Variants in EXOC6B observed in about 807,000 individuals in gnomAD.
EXOC6B encodes SEC15 homolog B.
A neutral mutation model predicts 113.5 loss-of-function variants in EXOC6B; 54 were observed. The ratio of observed to expected loss-of-function variants is 0.48; its 90% confidence interval spans 0.38 to 0.60. EXOC6B has a LOEUF of 0.60. Among genes scored for constraint, EXOC6B ranks in the 20% least tolerant of loss-of-function variants. The probability of loss-of-function intolerance (pLI) is 0.00; values close to 1 mark genes in which losing one functional copy is unlikely to be tolerated. For synonymous variants in EXOC6B, 357 were observed against 339.0 expected (o/e 1.05, Z -0.58); for missense variants, 797 against 977.5 (o/e 0.82, Z 2.46).
intron 8 of EXOC6B, among the ~76,000 whole-genome samples, chr2:72,537,028 T>C (rs1702328897): frequency 6.6e-6 from 1 of 152,222 alleles, no homozygotes; most frequent in South Asian, 2.1e-4. Context: ...CTATGTAACC[T>C]CTTAGAAGTT....
chr2:72,321,531 C>CT (rs1687844269), intron 20 of EXOC6B, among the ~76,000 whole-genome samples: 1 of 101,446 alleles, frequency 9.9e-6, no homozygotes, highest in African/African-American at 3.9e-5. Context: ...GAGACTCCGT[C>CT]TCAAAAAAAA....
intron 1 of EXOC6B, among the ~76,000 whole-genome samples, chr2:72,749,277 A>T (rs1681892265): frequency 6.6e-6 from 1 of 152,108 alleles, no homozygotes; most frequent in South Asian, 2.1e-4. Flanking sequence ...TACACTTGGT[A>T]GGTTAGCTCT....
rs552836297 is a variant in EXOC6B, at chr2:72,297,480, G to A, written c.2196+37467C>T. 7.9e-5 allele frequency among the ~76,000 whole-genome samples: 12 copies of A among 152,072 alleles called. No individual in the cohort carries two copies. The South Asian group carries it at 1.0e-3, about 13-fold the overall frequency. On this transcript the variant is annotated intron_variant, in intron 20 of 21. Coordinates refer to ENST00000272427, the MANE Select transcript of EXOC6B (RefSeq NM_015189.3). ...ACTTATATATGAGAACATGTGGTACGTGGTTTTCTGTTCCTGTGTTCTCCT... is the reference window on the plus strand; with the variant it reads ...ACTTATATATGAGAACATGTGGTACATGGTTTTCTGTTCCTGTGTTCTCCT...
chr2:72,305,847 A>C (rs1686820659), intron 20 of EXOC6B, among the ~76,000 whole-genome samples: 1 of 152,218 alleles, frequency 6.6e-6, no homozygotes, highest in South Asian at 2.1e-4. Context: ...GTTTGCTAAA[A>C]CTGTGAACAC....
At chr2:72,698,355 T>C (rs1012988596) in intron 6 of EXOC6B, among the ~76,000 whole-genome samples, 19 of 152,178 alleles carry the variant, frequency 1.2e-4, no homozygotes, top group South Asian at 2.1e-4. Flanking sequence ...AGTTTCTCTA[T>C]GACATTGGTT....
At chr2:72,734,719 C>T (rs548283251) in intron 2 of EXOC6B, among the ~76,000 whole-genome samples, 3 of 152,238 alleles carry the variant, frequency 2.0e-5, no homozygotes, top group Admixed American at 6.5e-5. Flanking sequence ...GTAGTAATAC[C>T]ACACTATGAA....
intron 18 of EXOC6B, among the ~76,000 whole-genome samples, chr2:72,395,403 T>C (rs1462886584): frequency 6.6e-6 from 1 of 152,150 alleles, no homozygotes; most frequent in Non-Finnish European, 1.5e-5. Context: ...AAACACCTCA[T>C]TAGCCCTAGT....
chr2:72,335,685 C>A (rs185596755), intron 19 of EXOC6B, among the ~76,000 whole-genome samples: 61 of 151,876 alleles, frequency 4.0e-4, no homozygotes, highest in South Asian at 1.5e-3. Flanking sequence ...TCTGAATAAA[C>A]CTCACTGCAA....
At chr2:72,679,851 T>G (rs941395510) in intron 6 of EXOC6B, among the ~76,000 whole-genome samples, 1 of 152,228 alleles carries the variant, frequency 6.6e-6, no homozygotes, top group Non-Finnish European at 1.5e-5. Flanking sequence ...AAGGGAAGGC[T>G]GCACGGATTA....
At chr2:72,203,208 A>G (rs1293929122) in intron 20 of EXOC6B, among the ~76,000 whole-genome samples, 3 of 152,082 alleles carry the variant, frequency 2.0e-5, no homozygotes, top group East Asian at 3.9e-4. Context: ...TCTTTGTCCT[A>G]TCTAAATCCT....
chr2:72,422,389 C>A (rs1053337037), intron 18 of EXOC6B, among the ~76,000 whole-genome samples: 1 of 152,082 alleles, frequency 6.6e-6, no homozygotes, highest in African/African-American at 2.4e-5. Flanking sequence ...TGTGAGTGCA[C>A]CAATTGACAC....
At chr2:72,378,457 T>C (rs1159713828) in intron 19 of EXOC6B, among the ~76,000 whole-genome samples, 2 of 152,224 alleles carry the variant, frequency 1.3e-5, no homozygotes, top group African/African-American at 4.8e-5. Context: ...GATTACCTTA[T>C]GTGTTTCCCC....
At chr2:72,609,487 A>C (rs1670938156) in intron 6 of EXOC6B, among the ~76,000 whole-genome samples, 1 of 151,778 alleles carries the variant, frequency 6.6e-6, no homozygotes, top group African/African-American at 2.4e-5. Flanking sequence ...TCTGCGAGAA[A>C]CACCCAAGAA....
intron 20 of EXOC6B, among the ~76,000 whole-genome samples, chr2:72,326,440 T>G (rs1572917009): frequency 6.6e-6 from 1 of 151,974 alleles, no homozygotes; most frequent in Admixed American, 6.6e-5. Flanking sequence ...GTTACCTAGG[T>G]CCCCTATGAT....
intron 18 of EXOC6B, among the ~76,000 whole-genome samples, chr2:72,417,406 C>T (rs1694594702): frequency 6.6e-6 from 1 of 152,212 alleles, no homozygotes. Flanking sequence ...GATCCACCTG[C>T]CTTGGCCTCC....
At chr2:72,281,023 G>A (rs576948673) in intron 20 of EXOC6B, among the ~76,000 whole-genome samples, 31 of 152,236 alleles carry the variant, frequency 2.0e-4, no homozygotes, top group African/African-American at 7.0e-4. Context: ...TCCTAATGCT[G>A]ACAAGATAAA....
intron 20 of EXOC6B, among the ~76,000 whole-genome samples, chr2:72,213,827 C>T (rs560505359): frequency 3.9e-5 from 6 of 152,054 alleles, no homozygotes; most frequent in Non-Finnish European, 8.8e-5. Context: ...GTTTCCATGC[C>T]AGAAAGTGTA....
intron 6 of EXOC6B, among the ~76,000 whole-genome samples, chr2:72,716,302 T>C (rs886562653): frequency 6.6e-6 from 1 of 152,136 alleles, no homozygotes; most frequent in Non-Finnish European, 1.5e-5. Flanking sequence ...CCAGAAACAC[T>C]ATTTTGGGCT....
At chr2:72,416,635 A>C (rs1694543545) in intron 18 of EXOC6B, among the ~76,000 whole-genome samples, 1 of 152,156 alleles carries the variant, frequency 6.6e-6, no homozygotes, top group Middle Eastern at 3.4e-3. Flanking sequence ...CTTTGGGAAA[A>C]GTTTCCCAGT....
Sources: gnomAD v4.1 joint callset for allele counts (sites outside exome capture counted in the v4.1 genomes callset) on GRCh38, gnomAD v4.1.1 for gene constraint, MANE v1.5 for transcripts, NCBI Gene and HGNC (gene_info 2026-07-23, HGNC 2026-07-21) for gene names.